NAV3: variants seen among roughly 807,000 people sequenced by gnomAD.
NAV3 encodes neuron navigator 3, also known as pore membrane and/or filament interacting like protein 1.
NAV3 carries 87 observed loss-of-function variants against 244.7 expected under a neutral mutation model. That is an observed-to-expected ratio of 0.36 (90% CI 0.30 to 0.42). The LOEUF is 0.42. NAV3 is among the 20% of genes least tolerant of loss of function. NAV3 has a pLI of 1.00. For missense variants in NAV3, 2,663 were observed against 2,893.3 expected (o/e 0.92, Z 1.83); for synonymous variants, 1,126 against 1,042.2 (o/e 1.08, Z -1.55).
intron 5 of NAV3, among the ~76,000 whole-genome samples, chr12:77,986,195 CT>C (rs1242511695): frequency 6.6e-6 from 1 of 152,114 alleles, no homozygotes; most frequent in Non-Finnish European, 1.5e-5. Flanking sequence ...AACCCCATCT[CT>C]ACTAAAAATA....
intron 11 of NAV3, among the ~76,000 whole-genome samples, chr12:78,054,628 T>C (rs1260583194): frequency 6.6e-6 from 1 of 152,120 alleles, no homozygotes; most frequent in Non-Finnish European, 1.5e-5. Context: ...TAGTGGCATT[T>C]GTAGGGATAA....
intron 2 of NAV3, among the ~76,000 whole-genome samples, chr12:77,782,270 C>T (rs1484342418): frequency 1.3e-5 from 2 of 150,898 alleles, no homozygotes; most frequent in Non-Finnish European, 3.0e-5. Context: ...TCCCCCTTGC[C>T]TCCCTTCCCG....
intron 1 of NAV3, among the ~76,000 whole-genome samples, chr12:77,862,586 C>G (rs1028588754): frequency 2.0e-5 from 3 of 151,728 alleles, no homozygotes; most frequent in African/African-American, 7.2e-5. Flanking sequence ...AGTTAATAAT[C>G]CTTTCTGTAA....
chr12:78,148,730 A>G lies in NAV3; in HGVS notation c.4708-112A>G, dbSNP rs2139222109. ...CCTTTATTTTCAGGAGTTGCTGCTGATACAATGGGGTTAGAATGAGCTAAA... is the reference window on the plus strand; with the variant it reads ...CCTTTATTTTCAGGAGTTGCTGCTGGTACAATGGGGTTAGAATGAGCTAAA... On this transcript the variant is annotated intron_variant, in intron 21 of 39. Transcript: ENST00000397909. 7.2e-6 allele frequency: 6 copies of G among 831,386 alleles called. No homozygotes were observed. The South Asian group carries it at 1.0e-4, about 14-fold the overall frequency. The allele number at this position is 831,386 out of a possible 1,614,324, so 51.5% of individuals were successfully genotyped here.
At chr12:77,914,223 A>G (rs1241868994) in intron 1 of NAV3, among the ~76,000 whole-genome samples, 2 of 152,036 alleles carry the variant, frequency 1.3e-5, no homozygotes, top group African/African-American at 4.8e-5. Flanking sequence ...GACTAATACT[A>G]TTGGTCTTAC....
chr12:77,686,542 T>C (rs553660075), intron 2 of NAV3, among the ~76,000 whole-genome samples: 3 of 151,928 alleles, frequency 2.0e-5, no homozygotes, highest in Non-Finnish European at 2.9e-5. Context: ...ATTTGACTTA[T>C]CAGACTTCGA....
chr12:78,136,548 CAG>C (rs909777108), intron 18 of NAV3, among the ~76,000 whole-genome samples: 1 of 152,160 alleles, frequency 6.6e-6, no homozygotes, highest in Non-Finnish European at 1.5e-5. Flanking sequence ...TCATCTTAAA[CAG>C]AGTAGAAAAT....
intron 2 of NAV3, among the ~76,000 whole-genome samples, chr12:77,652,429 A>C (rs570552836): frequency 3.9e-5 from 6 of 152,298 alleles, no homozygotes; most frequent in African/African-American, 1.4e-4. Context: ...TGTCATTTTA[A>C]AGAAACATTT....
chr12:78,188,527 T>A (rs2139846750), intron 32 of NAV3, 82 bp from the exon 33 acceptor site: 2 of 1,372,510 alleles, frequency 1.5e-6, no homozygotes, highest in Non-Finnish European at 2.0e-6. Flanking sequence ...GACAACTAGC[T>A]CTATATCCCT....
At chr12:77,873,744 G>GTGTGTGTGTGTATATATATATA (rs776225440) in intron 1 of NAV3, among the ~76,000 whole-genome samples, 1 of 73,184 alleles carries the variant, frequency 1.4e-5, no homozygotes, top group South Asian at 6.5e-4. Flanking sequence ...ATGTGTGTGT[G>GTGTGTGTGTGTATATATATATA]TATATATATA....
intron 12 of NAV3, among the ~76,000 whole-genome samples, chr12:78,084,102 T>A (rs984793601): frequency 6.6e-6 from 1 of 152,228 alleles, no homozygotes. Context: ...TCAAGTGGAC[T>A]AGTGGTGTGC....
At chr12:78,033,923 T>C (rs548891199) in intron 9 of NAV3, among the ~76,000 whole-genome samples, 50 of 152,272 alleles carry the variant, frequency 3.3e-4, no homozygotes, top group African/African-American at 1.1e-3. Flanking sequence ...TCTCTTTTCC[T>C]TTGGTCATAA....
intron 2 of NAV3, among the ~76,000 whole-genome samples, chr12:77,793,077 G>A (rs1193433813): frequency 6.6e-6 from 1 of 151,876 alleles, no homozygotes; most frequent in African/African-American, 2.4e-5. Context: ...CACCCACACA[G>A]CAAATAAAAA....
At chr12:78,143,372 G>A (rs1202012432) in intron 20 of NAV3, 7 of 451,398 alleles carry the variant, frequency 1.6e-5, no homozygotes, top group Admixed American at 2.4e-5. Context: ...GGCTCATGCC[G>A]GTAATCTCAA....
chr12:77,692,322 G>A (rs1446892899), intron 2 of NAV3, among the ~76,000 whole-genome samples: 1 of 151,758 alleles, frequency 6.6e-6, no homozygotes, highest in Admixed American at 6.6e-5. Context: ...TTTTATAATA[G>A]CATTTTGAAG....
intron 34 of NAV3, among the ~76,000 whole-genome samples, chr12:78,194,583 C>G (rs758433026): frequency 2.0e-5 from 3 of 152,022 alleles, no homozygotes; most frequent in African/African-American, 7.2e-5. Flanking sequence ...TTCTTCCTTT[C>G]AATATGCTCA....
chr12:77,606,733 T>C (rs1023756446), intron 2 of NAV3, among the ~76,000 whole-genome samples: 6 of 152,256 alleles, frequency 3.9e-5, no homozygotes, highest in African/African-American at 1.4e-4. Flanking sequence ...TTTTCTACAG[T>C]GCATTTAGTT....
chr12:77,724,270 A>T (rs960594198), intron 2 of NAV3, among the ~76,000 whole-genome samples: 1 of 151,968 alleles, frequency 6.6e-6, no homozygotes, highest in Non-Finnish European at 1.5e-5. Flanking sequence ...TCAGTTGATT[A>T]TGCTTTTTCT....
At chr12:77,968,777 C>T (rs2137999775) in intron 5 of NAV3, 75 bp downstream of exon 5, 2 of 1,425,866 alleles carry the variant, frequency 1.4e-6, no homozygotes, top group Non-Finnish European at 1.9e-6. Flanking sequence ...AATTATTGTC[C>T]ATGAGTTTGA....
Sources: gnomAD v4.1 joint callset for allele counts (sites outside exome capture counted in the v4.1 genomes callset) on GRCh38, gnomAD v4.1.1 for gene constraint, MANE v1.5 for transcripts, NCBI Gene and HGNC (gene_info 2026-07-23, HGNC 2026-07-21) for gene names.